UBE2E1: variants seen among roughly 807,000 people sequenced by gnomAD.
UBE2E1 encodes the protein ubiquitin conjugating enzyme E2 E1.
Under a neutral mutation model 21.4 loss-of-function variants are expected in UBE2E1, and 6 were observed. That is an observed-to-expected ratio of 0.28 (90% confidence interval 0.15 to 0.55). The LOEUF is 0.55. Among genes scored for constraint, UBE2E1 ranks in the 20% least tolerant of loss-of-function variants. The pLI is 0.93. For missense variants in UBE2E1, 142 were observed against 236.5 expected (o/e 0.60, Z 2.62); for synonymous variants, 87 against 82.7 (o/e 1.05, Z -0.28).
intron 3 of UBE2E1, among the ~76,000 whole-genome samples, chr3:23,840,654 GCTCTGGGGAGTGTTCTCTCTGTT>G (rs1240856198): frequency 2.0e-5 from 3 of 152,206 alleles, no homozygotes; most frequent in Non-Finnish European, 4.4e-5. Context: ...CCCTGTGCGA[GCTCTGGGGAGTGTTCTCTCTGTT>G]CTCTGGTGAT....
intron 3 of UBE2E1, among the ~76,000 whole-genome samples, chr3:23,867,373 A>ATT (rs1700680738): frequency 6.6e-6 from 1 of 152,236 alleles, no homozygotes; most frequent in Admixed American, 6.5e-5. Flanking sequence ...TATGTAATAA[A>ATT]TTCTGGAGAA....
At chr3:23,832,287 AT>A (rs372720966) in intron 3 of UBE2E1, among the ~76,000 whole-genome samples, 86 of 152,328 alleles carry the variant, frequency 5.6e-4, no homozygotes, top group African/African-American at 2.0e-3. Flanking sequence ...GAGAATATAC[AT>A]TTTTAATAAA....
chr3:23,820,563 T>C (rs1575806535), intron 3 of UBE2E1, among the ~76,000 whole-genome samples: 2 of 152,064 alleles, frequency 1.3e-5, no homozygotes. Flanking sequence ...GGGCAGTGTG[T>C]TGTTCACTAA....
chr3:23,888,274 C>T (rs1186149353), intron 4 of UBE2E1: 2 of 457,078 alleles, frequency 4.4e-6, no homozygotes, highest in Non-Finnish European at 8.8e-6. Context: ...GAGGATTGCC[C>T]AAGTCACCCA....
In UBE2E1 at chr3:23,870,220, C is replaced by T. The variant is rs539635497; in HGVS notation, c.204-17347C>T. 7.2e-5 allele frequency among the ~76,000 whole-genome samples: 11 copies of T among 152,036 alleles called. No individual in the cohort carries two copies. The highest frequency in any genetic ancestry group is 6.5e-4 in the Admixed American group (10 of 15,276). ...TGTGATGTTTAGAGTTTCCAAGGCA[C>T]ATAGAAAGGGAGAGACAGACAGCTG... On this transcript the variant is annotated intron_variant, in intron 3 of 5. Transcript: ENST00000306627. The surrounding 1 kb of genome is among the most constrained non-coding windows in gnomAD (Gnocchi z 4.2).
intron 3 of UBE2E1, among the ~76,000 whole-genome samples, chr3:23,841,889 G>T (rs934445220): frequency 6.6e-6 from 1 of 152,198 alleles, no homozygotes; most frequent in Admixed American, 6.5e-5. Context: ...TTTGGGGGTA[G>T]ATGGTTTAGA....
intron 3 of UBE2E1, among the ~76,000 whole-genome samples, chr3:23,833,933 C>T (rs1455731490): frequency 3.3e-5 from 5 of 151,918 alleles, no homozygotes; most frequent in East Asian, 1.9e-4. Context: ...GACAGGTTGA[C>T]GCTGCAGTCA....
rs3811714 is a variant in UBE2E1, at chr3:23,817,878, A to G, written c.203+6368A>G. On this transcript the variant is annotated intron_variant, in intron 3 of 5. Transcript: ENST00000306627. ...TAAGTCTTTAAATTTTATTATGTAG[A>G]TGCTGGAGAATCATTAAAAACCTTT... 3.6e-3 allele frequency among the ~76,000 whole-genome samples: 543 copies of G among 152,314 alleles called. 11 individuals carry two copies. The East Asian group carries it at 0.044, about 12-fold the overall frequency.
intron 3 of UBE2E1, among the ~76,000 whole-genome samples, chr3:23,856,407 C>T (rs1456970556): frequency 6.6e-6 from 1 of 152,200 alleles, no homozygotes; most frequent in Non-Finnish European, 1.5e-5. Context: ...TCAGGGAAGA[C>T]AGACGTTTAA....
chr3:23,884,868 A>G lies in UBE2E1; in HGVS notation c.204-2699A>G, dbSNP rs541136735. On this transcript the variant is annotated intron_variant, in intron 3 of 5. Transcript: ENST00000306627. ...AGCCTTTTGCCTTTAAGTGTTTACC[A>G]TAAACTAGATAAAAGAGCATTCCCC... Among the ~76,000 whole-genome samples the G allele has an allele frequency of 9.2e-5, 14 of 152,304 alleles. No individual in the cohort carries two copies. In the South Asian group the frequency reaches 2.3e-3, roughly 25 times the overall value.
At chr3:23,827,635 T>C (rs1258173404) in intron 3 of UBE2E1, among the ~76,000 whole-genome samples, 1 of 152,348 alleles carries the variant, frequency 6.6e-6, no homozygotes, top group African/African-American at 2.4e-5. Context: ...AGTGGCTTTA[T>C]GAATTATAGA....
intron 3 of UBE2E1, among the ~76,000 whole-genome samples, chr3:23,880,614 CAAT>C (rs1249293374): frequency 1.3e-5 from 2 of 152,070 alleles, no homozygotes; most frequent in Admixed American, 6.6e-5. Flanking sequence ...TAAAAGAAAT[CAAT>C]AATGTCATTT....
chr3:23,887,883 T>C lies in UBE2E1; in HGVS notation c.336+184T>C. 1.3e-6 allele frequency: 1 copy of C among 759,122 alleles called. No individual in the cohort carries two copies. The highest frequency in any genetic ancestry group is 2.0e-6 in the Non-Finnish European group (1 of 495,426). The allele number at this position is 759,122 out of a possible 1,614,324, so 47.0% of individuals were successfully genotyped here. On this transcript the variant is annotated intron_variant, in intron 4 of 5. Coordinates refer to ENST00000306627, the MANE Select transcript of UBE2E1 (RefSeq NM_003341.5). This position sits in a 1 kb window ranked among gnomAD's most constrained non-coding sequence, Gnocchi z 4.4. ...TTTTGCCTTATCTGGCAGAGACCATTCTAGGATTAAGTGCTTTGTTTTGAT... is the reference window on the plus strand; with the variant it reads ...TTTTGCCTTATCTGGCAGAGACCATCCTAGGATTAAGTGCTTTGTTTTGAT...
chr3:23,886,491 C>T (rs1266047647), intron 3 of UBE2E1, among the ~76,000 whole-genome samples: 1 of 152,184 alleles, frequency 6.6e-6, no homozygotes, highest in East Asian at 1.9e-4. Flanking sequence ...GTCATGTTTT[C>T]TTCCCCAACT....
chr3:23,852,853 C>T (rs532387655), intron 3 of UBE2E1, among the ~76,000 whole-genome samples: 3 of 152,272 alleles, frequency 2.0e-5, no homozygotes, highest in South Asian at 2.1e-4. Flanking sequence ...GATCCTCCCA[C>T]CTTGGCGTCC....
At chr3:23,859,948 A>G (rs1396704650) in intron 3 of UBE2E1, among the ~76,000 whole-genome samples, 1 of 152,218 alleles carries the variant, frequency 6.6e-6, no homozygotes, top group Non-Finnish European at 1.5e-5. Context: ...CATGCCTAAC[A>G]GTCCCGACTG....
At chr3:23,820,374 A>G (rs1259601184) in intron 3 of UBE2E1, among the ~76,000 whole-genome samples, 1 of 152,198 alleles carries the variant, frequency 6.6e-6, no homozygotes, top group Non-Finnish European at 1.5e-5. Flanking sequence ...CTTGAAACAT[A>G]TACACAGTGA....
At chr3:23,845,609 G>A (rs1700185679) in intron 3 of UBE2E1, among the ~76,000 whole-genome samples, 1 of 150,506 alleles carries the variant, frequency 6.6e-6, no homozygotes, top group Non-Finnish European at 1.5e-5. Context: ...GTGTGTGTGT[G>A]TGTGTGTATG....
chr3:23,828,070 A>T (rs1221839692), intron 3 of UBE2E1, among the ~76,000 whole-genome samples: 2 of 152,184 alleles, frequency 1.3e-5, no homozygotes, highest in Non-Finnish European at 1.5e-5. Context: ...CCTCTTTAAA[A>T]CATTTATCAC....
Sources: gnomAD v4.1 joint callset for allele counts (sites outside exome capture counted in the v4.1 genomes callset) on GRCh38, gnomAD v4.1.1 for gene constraint, Gnocchi (gnomAD v3.1) non-coding constraint, MANE v1.5 for transcripts, NCBI Gene and HGNC (gene_info 2026-07-23, HGNC 2026-07-21) for gene names.